The following ADGRB3 variants were observed in gnomAD, a reference collection of about 807,000 sequenced individuals.
ADGRB3 encodes the protein brain-specific angiogenesis inhibitor 3.
ADGRB3 carries 37 observed loss-of-function variants against 193.4 expected under a neutral mutation model. The observed-to-expected ratio is 0.19, with a 90% CI of 0.15 to 0.25. The LOEUF is 0.25. ADGRB3 is among the 10% of genes least tolerant of loss of function. ADGRB3 has a pLI of 1.00. For synonymous variants in ADGRB3, 690 were observed against 644.2 expected, an observed-to-expected ratio of 1.07 and a Z score of -1.08; for missense variants, 1,637 against 1,852.9, an observed-to-expected ratio of 0.88 and a Z score of 2.14.
intron 3 of ADGRB3, among the ~76,000 whole-genome samples, chr6:68,770,112 C>T (rs1360934189): frequency 6.6e-6 from 1 of 152,194 alleles, no homozygotes; most frequent in East Asian, 1.9e-4. Context: ...GTGTTTTATA[C>T]ACAAACCTCA....
intron 3 of ADGRB3, among the ~76,000 whole-genome samples, chr6:68,853,955 C>A (rs909455980): frequency 6.6e-6 from 1 of 152,074 alleles, no homozygotes; most frequent in African/African-American, 2.4e-5. Flanking sequence ...TTCTTTGACC[C>A]AGTCCTGTAC....
At chr6:69,180,794 T>C (rs894955845) in intron 17 of ADGRB3, among the ~76,000 whole-genome samples, 5 of 152,152 alleles carry the variant, frequency 3.3e-5, no homozygotes, top group African/African-American at 1.2e-4. Flanking sequence ...GACTCCAGAG[T>C]ACGTACTCCA....
chr6:69,332,139 A>C (rs1356923273), intron 23 of ADGRB3: 1 of 985,306 alleles, frequency 1.0e-6, no homozygotes, highest in Non-Finnish European at 1.2e-6. Context: ...TTGGTAGATT[A>C]GAGAACTGTC....
chr6:69,107,687 T>C (rs572011532), intron 17 of ADGRB3, among the ~76,000 whole-genome samples: 3 of 152,268 alleles, frequency 2.0e-5, no homozygotes, highest in Admixed American at 2.0e-4. Flanking sequence ...GTGGTACATA[T>C]ACACCATGGA....
chr6:68,883,815 C>A (rs192258412), intron 3 of ADGRB3, among the ~76,000 whole-genome samples: 4 of 151,556 alleles, frequency 2.6e-5, no homozygotes, highest in Non-Finnish European at 5.9e-5. Context: ...TTCTTGAAGT[C>A]GGTGAGACAA....
At chr6:68,840,742 A>C (rs1768141208) in intron 3 of ADGRB3, among the ~76,000 whole-genome samples, 1 of 152,118 alleles carries the variant, frequency 6.6e-6, no homozygotes, top group African/African-American at 2.4e-5. Flanking sequence ...GGCAGGAGTA[A>C]ATCCTTACTT....
At chr6:68,984,609 A>G (rs1258350522) in intron 10 of ADGRB3, among the ~76,000 whole-genome samples, 1 of 152,172 alleles carries the variant, frequency 6.6e-6, no homozygotes, top group Non-Finnish European at 1.5e-5. Context: ...GTAAGGCCAA[A>G]AAAGGGTTTT....
At chr6:69,029,547 T>C (rs796081375) in intron 13 of ADGRB3, among the ~76,000 whole-genome samples, 119 of 152,318 alleles carry the variant, frequency 7.8e-4, no homozygotes, top group African/African-American at 2.8e-3. Flanking sequence ...AAACGTATGA[T>C]ATATAGAATG....
At chr6:69,205,489 A>C (rs1277541644) in intron 17 of ADGRB3, among the ~76,000 whole-genome samples, 1 of 151,990 alleles carries the variant, frequency 6.6e-6, no homozygotes, top group Non-Finnish European at 1.5e-5. Context: ...TTCTTAGTCA[A>C]TTTTCTATAC....
intron 20 of ADGRB3, among the ~76,000 whole-genome samples, chr6:69,296,008 A>G (rs904927424): frequency 2.0e-5 from 3 of 152,176 alleles, no homozygotes; most frequent in African/African-American, 7.2e-5. Context: ...GACTAGTAAC[A>G]CTATATTTGC....
intron 3 of ADGRB3, among the ~76,000 whole-genome samples, chr6:68,802,368 A>C (rs1478115434): frequency 1.3e-5 from 2 of 152,298 alleles, no homozygotes; most frequent in Middle Eastern, 3.4e-3. Flanking sequence ...ATGTTATATT[A>C]TAGATATAGA....
chr6:68,955,803 A>T (rs1413621261), intron 6 of ADGRB3, among the ~76,000 whole-genome samples: 2 of 152,166 alleles, frequency 1.3e-5, no homozygotes, highest in Admixed American at 1.3e-4. Flanking sequence ...AAATGAAAAA[A>T]AAAAAGATAT....
chr6:69,252,393 A>G (rs1038516575), intron 20 of ADGRB3, among the ~76,000 whole-genome samples: 1 of 152,040 alleles, frequency 6.6e-6, no homozygotes, highest in Admixed American at 6.6e-5. Flanking sequence ...ATGGACATGT[A>G]TTTTCATTTC....
At chr6:68,956,900 T>C in intron 8 of ADGRB3, 91 bp downstream of exon 8, 2 of 1,407,948 alleles carry the variant, frequency 1.4e-6, no homozygotes, top group South Asian at 2.8e-5. Context: ...AAGGGTCATA[T>C]TCCTCAACTA....
intron 10 of ADGRB3, among the ~76,000 whole-genome samples, chr6:68,990,829 A>G (rs1769218133): frequency 6.6e-6 from 1 of 152,156 alleles, no homozygotes; most frequent in Admixed American, 6.6e-5. Context: ...TACCGTGGCA[A>G]CCATTGCTAC....
intron 3 of ADGRB3, among the ~76,000 whole-genome samples, chr6:68,827,524 G>C (rs1328051249): frequency 2.6e-5 from 4 of 152,032 alleles, no homozygotes; most frequent in Admixed American, 2.0e-4. Flanking sequence ...ATATGGGAGA[G>C]AGAAAAGAGA....
chr6:69,005,769 C>G (rs1385827571), intron 11 of ADGRB3, among the ~76,000 whole-genome samples: 2 of 152,152 alleles, frequency 1.3e-5, no homozygotes, highest in Non-Finnish European at 2.9e-5. Flanking sequence ...CTGCAGACCC[C>G]ACTATTGACC....
At chr6:69,206,432 G>C (rs564215878) in intron 17 of ADGRB3, among the ~76,000 whole-genome samples, 3 of 152,044 alleles carry the variant, frequency 2.0e-5, no homozygotes, top group African/African-American at 7.2e-5. Context: ...CTTCAATTCA[G>C]TCAAATTGAC....
At chr6:68,736,682 T>G (rs984414446) in intron 3 of ADGRB3, among the ~76,000 whole-genome samples, 2 of 152,134 alleles carry the variant, frequency 1.3e-5, no homozygotes, top group African/African-American at 4.8e-5. Context: ...TTTGCAAAAA[T>G]AAAATGCTAA....
Sources: allele counts gnomAD v4.1 joint callset (sites outside exome capture counted in the v4.1 genomes callset), GRCh38; gene constraint gnomAD v4.1.1; transcripts MANE v1.5; gene names NCBI Gene and HGNC (gene_info 2026-07-23, HGNC 2026-07-21).